CHST11: variants seen among roughly 807,000 people sequenced by gnomAD.
CHST11 encodes carbohydrate sulfotransferase 11, also known as C4S-1.
Under a neutral mutation model 30.4 loss-of-function variants are expected in CHST11, and 9 were observed. That is an observed-to-expected ratio of 0.30 (90% confidence interval 0.18 to 0.52). CHST11 has a LOEUF of 0.52. Among genes scored for constraint, CHST11 ranks in the 20% least tolerant of loss-of-function variants. The pLI is 0.97. For missense variants in CHST11, 348 were observed against 460.6 expected, an observed-to-expected ratio of 0.76 and a Z score of 2.24; for synonymous variants, 152 against 187.8, an observed-to-expected ratio of 0.81 and a Z score of 1.56.
At chr12:104,520,901 T>G (rs1432593431) in intron 1 of CHST11, among the ~76,000 whole-genome samples, 1 of 152,198 alleles carries the variant, frequency 6.6e-6, no homozygotes, top group East Asian at 1.9e-4. Flanking sequence ...AAGGTGACTG[T>G]CTGATATTCC....
At position 104,575,430 on chromosome 12, in the gene CHST11, C is replaced by T. The variant is rs569547058; in HGVS notation, c.119-26476C>T. On this transcript the variant is annotated intron_variant, in intron 1 of 2. Transcript: ENST00000303694. ...GGGATGAGGCCATGTCAGGTGGGGA[C>T]AGTGCTCTGAGGAAGACATGAAAGG... Among the ~76,000 whole-genome samples, 16 of 152,164 alleles carry T rather than the reference C, an allele frequency of 1.1e-4. No homozygotes were observed. In the South Asian group the frequency reaches 1.2e-3, roughly 12 times the overall value.
intron 2 of CHST11, among the ~76,000 whole-genome samples, chr12:104,735,624 C>T (rs1443384520): frequency 6.6e-6 from 1 of 152,144 alleles, no homozygotes; most frequent in Admixed American, 6.5e-5. Context: ...GACTTGGGGG[C>T]AGGGGACTTG....
intron 1 of CHST11, among the ~76,000 whole-genome samples, chr12:104,526,326 T>C (rs766175678): frequency 7.9e-5 from 12 of 152,228 alleles, no homozygotes; most frequent in Admixed American, 5.9e-4. Flanking sequence ...TGATCCTTTT[T>C]AAACTTAAGG....
chr12:104,586,571 T>C (rs1331741837), intron 1 of CHST11, among the ~76,000 whole-genome samples: 1 of 152,284 alleles, frequency 6.6e-6, no homozygotes. Context: ...GCTACGTTAC[T>C]CTGTCTCTGA....
In CHST11 at chr12:104,704,914, A is replaced by G. The variant is rs540500340; in HGVS notation, c.205-52035A>G. Among the ~76,000 whole-genome samples the G allele has an allele frequency of 1.7e-4, 26 of 152,214 alleles. 2 individuals carry two copies. In the South Asian group the frequency reaches 5.2e-3, roughly 30 times the overall value. On this transcript the variant is annotated intron_variant, in intron 2 of 2. Transcript: ENST00000303694. Reference sequence around the variant, plus strand: ...ACTGAGAGGAGCGCACCCAGCTTCAATCTCAGGGGACTTGACAAAGGGTAT... The same window carrying G: ...ACTGAGAGGAGCGCACCCAGCTTCAGTCTCAGGGGACTTGACAAAGGGTAT...
intron 1 of CHST11, among the ~76,000 whole-genome samples, chr12:104,586,145 G>A (rs1474087003): frequency 6.6e-6 from 1 of 152,190 alleles, no homozygotes; most frequent in Non-Finnish European, 1.5e-5. Flanking sequence ...CAGGTCCCTA[G>A]TGGATATGAA....
chr12:104,708,677 G>C (rs891493777), intron 2 of CHST11, among the ~76,000 whole-genome samples: 1 of 152,136 alleles, frequency 6.6e-6, no homozygotes, highest in Non-Finnish European at 1.5e-5. Flanking sequence ...CGGAAGCCAG[G>C]CTGGGCTCCC....
intron 2 of CHST11, among the ~76,000 whole-genome samples, chr12:104,745,831 CTTT>C (rs1318327679): frequency 6.6e-6 from 1 of 152,146 alleles, no homozygotes; most frequent in Non-Finnish European, 1.5e-5. Context: ...GCTTAAGAAG[CTTT>C]TGGGCTCAGA....
chr12:104,525,839 C>T (rs2038120111), intron 1 of CHST11, among the ~76,000 whole-genome samples: 1 of 149,490 alleles, frequency 6.7e-6, no homozygotes, highest in South Asian at 2.1e-4. Flanking sequence ...TAAGGTTTCT[C>T]ACATAGCCCT....
intron 2 of CHST11, among the ~76,000 whole-genome samples, chr12:104,665,461 C>G (rs901254873): frequency 2.6e-5 from 4 of 152,122 alleles, no homozygotes; most frequent in African/African-American, 9.7e-5. Flanking sequence ...GTGACAAGTG[C>G]AAATCCTGGG....
chr12:104,468,275 A>G (rs776287631), intron 1 of CHST11, among the ~76,000 whole-genome samples: 3 of 152,170 alleles, frequency 2.0e-5, no homozygotes, highest in Non-Finnish European at 4.4e-5. Context: ...ATGAAATAGT[A>G]AAGATATTTA....
At chr12:104,489,389 G>C (rs1322850159) in intron 1 of CHST11, among the ~76,000 whole-genome samples, 1 of 151,974 alleles carries the variant, frequency 6.6e-6, no homozygotes, top group Non-Finnish European at 1.5e-5. Flanking sequence ...TCCATCCACT[G>C]TTTTGACTTA....
At chr12:104,587,098 C>G (rs1022580181) in intron 1 of CHST11, among the ~76,000 whole-genome samples, 1 of 152,182 alleles carries the variant, frequency 6.6e-6, no homozygotes, top group Non-Finnish European at 1.5e-5. Flanking sequence ...CAATTCCTAT[C>G]AGTTATCTTC....
chr12:104,750,791 T>C (rs1278446937), intron 2 of CHST11, among the ~76,000 whole-genome samples: 1 of 152,176 alleles, frequency 6.6e-6, no homozygotes, highest in Non-Finnish European at 1.5e-5. Context: ...AAATCAACAC[T>C]AGTCTGAAAA....
chr12:104,599,938 GT>G (rs1404229402), intron 1 of CHST11, among the ~76,000 whole-genome samples: 2 of 152,194 alleles, frequency 1.3e-5, no homozygotes, highest in Admixed American at 1.3e-4. Context: ...GTGAAGTTTT[GT>G]TGGCACCCAG....
At chr12:104,675,941 G>T (rs918538602) in intron 2 of CHST11, among the ~76,000 whole-genome samples, 1 of 152,156 alleles carries the variant, frequency 6.6e-6, no homozygotes, top group African/African-American at 2.4e-5. Context: ...GTGTGCTGTG[G>T]TCAGGAGGTG....
chr12:104,501,326 T>C (rs2178664), intron 1 of CHST11, among the ~76,000 whole-genome samples: 3,752 of 152,230 alleles, frequency 0.025, 57 homozygotes, highest in Non-Finnish European at 0.036. Context: ...GATGGACACA[T>C]AGTAGAGCCC....
intron 1 of CHST11, chr12:104,513,944 AT>A: frequency 1.8e-6 from 1 of 550,062 alleles, no homozygotes. Flanking sequence ...AGGCTGAGTC[AT>A]TTTTAAAGAA....
chr12:104,633,804 C>A lies in CHST11; in HGVS notation c.204+31813C>A, dbSNP rs189183422. Reference sequence around the variant, plus strand: ...GGAACATGGCTCTGTGTGATCTGGCCCCTGCCTACCTCTGCCACATCTCAG... The same window carrying A: ...GGAACATGGCTCTGTGTGATCTGGCACCTGCCTACCTCTGCCACATCTCAG... On this transcript the variant is annotated intron_variant, in intron 2 of 2. Coordinates refer to ENST00000303694, the MANE Select transcript of CHST11 (RefSeq NM_018413.6). Among the ~76,000 whole-genome samples the A allele has an allele frequency of 3.8e-3, 584 of 152,120 alleles. 8 individuals carry two copies. Among genetic ancestry groups the A allele is most frequent in the African/African-American group, 0.013 (559 of 41,472 alleles).
Sources: allele counts gnomAD v4.1 joint callset (sites outside exome capture counted in the v4.1 genomes callset), GRCh38; gene constraint gnomAD v4.1.1; transcripts MANE v1.5; gene names NCBI Gene and HGNC (gene_info 2026-07-23, HGNC 2026-07-21).